ZBTB46: variants seen among roughly 807,000 people sequenced by gnomAD.
ZBTB46 encodes zinc finger and BTB domain containing 46.
ZBTB46 carries 8 observed loss-of-function variants against 44.1 expected under a neutral mutation model. That is an observed-to-expected ratio of 0.18 (90% CI 0.11 to 0.33). The LOEUF is 0.33. ZBTB46 is among the 10% of genes least tolerant of loss of function. The pLI is 1.00. For synonymous variants in ZBTB46, 409 were observed against 382.3 expected (o/e 1.07, Z -0.81); for missense variants, 651 against 847.7 (o/e 0.77, Z 2.88).
rs1425709015 is a variant in ZBTB46, at chr20:63,743,716, A to T, written c.*3214T>A. 6.6e-6 allele frequency: 1 copy of T among 152,396 alleles called. No individual in the cohort carries two copies. The highest frequency in any genetic ancestry group is 1.9e-4 in the East Asian group (1 of 5,334). The allele number at this position is 152,396 out of a possible 1,614,324, so 9.4% of individuals were successfully genotyped here. A position where few individuals can be genotyped will look rare whatever the true frequency, so the allele number is the denominator to read the frequency against. ...TATTGAAAGTGATCGCTTTGCAAGG[A>T]TGTCTAAGCTAATCCCGTCACAGAA... On this transcript the variant is annotated 3_prime_UTR_variant, in exon 5 of 5. Transcript: ENST00000245663.
At chr20:63,816,772 C>T (rs377309012) in intron 1 of ZBTB46, among the ~76,000 whole-genome samples, 3 of 152,120 alleles carry the variant, frequency 2.0e-5, no homozygotes, top group African/African-American at 7.2e-5. Flanking sequence ...TGGATTAGGG[C>T]GGGCCCTCAC....
At chr20:63,786,850 G>A (rs1313248223) in intron 2 of ZBTB46, among the ~76,000 whole-genome samples, 1 of 152,050 alleles carries the variant, frequency 6.6e-6, no homozygotes, top group Non-Finnish European at 1.5e-5. Flanking sequence ...TCACTACTTT[G>A]CCCAGGATAG....
upstream of ZBTB46, among the ~76,000 whole-genome samples, chr20:63,831,955 G>T (rs879293201): frequency 4.1e-4 from 62 of 152,120 alleles, no homozygotes; most frequent in Admixed American, 1.6e-3. Context: ...CTACCCTCGG[G>T]GGCCTCGGCG....
chr20:63,833,607 G>A (rs908538993), upstream of ZBTB46, among the ~76,000 whole-genome samples: 4 of 152,016 alleles, frequency 2.6e-5, no homozygotes, highest in African/African-American at 9.7e-5. Context: ...GAAAAAAAAA[G>A]AAACGTGCTG....
chr20:63,795,434 G>C (rs1415912629), intron 1 of ZBTB46, among the ~76,000 whole-genome samples: 1 of 152,274 alleles, frequency 6.6e-6, no homozygotes, highest in Non-Finnish European at 1.5e-5. Context: ...ACATTGTGCA[G>C]GCAGTGAGGG....
intron 1 of ZBTB46, among the ~76,000 whole-genome samples, chr20:63,816,157 T>TGCAGGTGCGGTGGGC (rs2092756574): frequency 7.7e-6 from 1 of 129,352 alleles, no homozygotes; most frequent in Non-Finnish European, 1.6e-5. Flanking sequence ...GTGCAGTGGG[T>TGCAGGTGCGGTGGGC]GCAGGTGCGG....
intron 2 of ZBTB46, among the ~76,000 whole-genome samples, chr20:63,786,050 C>T (rs746368521): frequency 1.6e-4 from 25 of 152,220 alleles, no homozygotes; most frequent in African/African-American, 5.1e-4. Context: ...CACCTGCCAG[C>T]GAGTTACGTG....
rs2092068471 is a variant in ZBTB46 at position 63,744,417 on chromosome 20, T to TAACA, written c.*2509_*2512dup. On this transcript the variant is annotated 3_prime_UTR_variant, in exon 5 of 5. Transcript: ENST00000245663. ...TCCCTGCCCCCTCCCCGCCCCCAAA[T>TAACA]AACACCATCCCCAATGGACTGTATT... The TAACA allele has an allele frequency of 6.6e-6, 1 of 151,746 alleles. No individual in the cohort carries two copies. The highest frequency in any genetic ancestry group is 2.4e-5 in the African/African-American group (1 of 41,220). 9.4% of individuals were successfully genotyped at this position (151,746 alleles called of 1,614,324 possible).
At chr20:63,800,700 C>A (rs113990668) in intron 1 of ZBTB46, among the ~76,000 whole-genome samples, 1 of 152,240 alleles carries the variant, frequency 6.6e-6, no homozygotes, top group Non-Finnish European at 1.5e-5. Flanking sequence ...CCAGCAGCTG[C>A]GGAGGGTGTC....
chr20:63,772,382 C>A (rs1332141317), intron 3 of ZBTB46, among the ~76,000 whole-genome samples: 1 of 152,190 alleles, frequency 6.6e-6, no homozygotes, highest in Non-Finnish European at 1.5e-5. Context: ...AAAAGACCCA[C>A]CAGCCAACTT....
chr20:63,789,927 C>A lies in ZBTB46; in HGVS notation c.831G>T (p.Glu277Asp). 1 of 1,614,104 alleles carries A rather than the reference C, an allele frequency of 6.2e-7. No individual in the cohort carries two copies. Among genetic ancestry groups the A allele is most frequent in the South Asian group, 1.1e-5 (1 of 91,080 alleles). Reference protein sequence around the residue: ...TGRRKNRKNKETVRHITQQVE... With the variant: ...TGRRKNRKNKDTVRHITQQVE... ...CCTGCTGTGTGATGTGCCGGACGGT[C>A]TCTTTGTTTTTCCGATTCTTCCTTC... is the stretch of plus-strand genomic sequence containing the variant. Residue 277 changes from glutamate (E) to aspartate (D), a missense_variant, in exon 2 of 5, where the codon GAG becomes GAT. By Grantham distance (45) the Glu-to-Asp change is conservative. This residue lies in a region of ZBTB46 where 385 missense variants were observed against 423.3 expected (regional missense o/e 0.91). Transcript: ENST00000245663.
chr20:63,750,911 A>C (rs376500617), intron 4 of ZBTB46, among the ~76,000 whole-genome samples: 25 of 152,196 alleles, frequency 1.6e-4, no homozygotes, highest in African/African-American at 5.5e-4. Context: ...CAAAAAAAAA[A>C]CAAAAAAACA....
intron 1 of ZBTB46, among the ~76,000 whole-genome samples, chr20:63,807,852 C>A (rs931763487): frequency 6.6e-6 from 1 of 152,276 alleles, no homozygotes; most frequent in African/African-American, 2.4e-5. Context: ...GAGCGGGGCT[C>A]GCCCGGTGTC....
rs1264628494 is a variant in ZBTB46, at chr20:63,781,618, C to T, written c.938-5656G>A. On this transcript the variant is annotated intron_variant, in intron 2 of 4. Transcript: ENST00000245663. Reference sequence around the variant, plus strand: ...CCAGCCTGGCCAACACGGCCAAACCCCGTCTCTACTAAAAATACAAAAAAT... The same window carrying T: ...CCAGCCTGGCCAACACGGCCAAACCTCGTCTCTACTAAAAATACAAAAAAT... Among the ~76,000 whole-genome samples the T allele has an allele frequency of 2.6e-5, 4 of 152,168 alleles. No homozygotes were observed. The East Asian group carries it at 7.7e-4, about 29-fold the overall frequency.
intron 3 of ZBTB46, among the ~76,000 whole-genome samples, chr20:63,763,753 ACAC>A (rs2092296111): frequency 6.6e-6 from 1 of 152,138 alleles, no homozygotes; most frequent in Non-Finnish European, 1.5e-5. Flanking sequence ...CCTTTGAATC[ACAC>A]CACTTTTCCT....
At chr20:63,809,006 GA>G (rs1203809736) in intron 1 of ZBTB46, among the ~76,000 whole-genome samples, 2,637 of 122,534 alleles carry the variant, frequency 0.022, 58 homozygotes, top group African/African-American at 0.057. Flanking sequence ...AAAAGAAAAA[GA>G]AAAAAAAAAA....
intron 1 of ZBTB46, among the ~76,000 whole-genome samples, chr20:63,806,845 C>A (rs1051822690): frequency 4.6e-5 from 7 of 151,554 alleles, no homozygotes; most frequent in Admixed American, 2.6e-4. Flanking sequence ...TGCAGTGGCG[C>A]CATCTCGGCT....
chr20:63,759,945 T>C (rs2092259170), intron 3 of ZBTB46, among the ~76,000 whole-genome samples: 1 of 152,240 alleles, frequency 6.6e-6, no homozygotes, highest in Non-Finnish European at 1.5e-5. Context: ...TTCTACACAT[T>C]GATTCCAAAC....
intron 1 of ZBTB46, among the ~76,000 whole-genome samples, chr20:63,826,559 TA>T (rs72142838): frequency 3.0e-3 from 422 of 139,178 alleles, no homozygotes; most frequent in Middle Eastern, 3.6e-3. Context: ...CATCTCTACT[TA>T]AAAAAAAAAA....
Sources: gnomAD v4.1 joint callset for allele counts (sites outside exome capture counted in the v4.1 genomes callset) on GRCh38, gnomAD v4.1.1 for gene constraint, gnomAD v4.1.1 regional missense constraint, MANE v1.5 for transcripts, NCBI Gene and HGNC (gene_info 2026-07-23, HGNC 2026-07-21) for gene names.